Variants in FHOD3 observed in about 807,000 individuals in gnomAD.
FHOD3 encodes FH1/FH2 domain-containing protein 3.
In FHOD3, 90 loss-of-function variants were observed where a neutral mutation model predicts 173.0. The observed-to-expected ratio is 0.52, with a 90% CI of 0.44 to 0.62. The LOEUF (loss-of-function observed/expected upper bound fraction) is 0.62. Ranked by LOEUF, FHOD3 falls within the 20% of genes least tolerant of loss-of-function variation. The pLI is 0.00. For missense variants in FHOD3, 1,945 were observed against 2,034.7 expected (o/e 0.96, Z 0.85); for synonymous variants, 828 against 823.0 (o/e 1.01, Z -0.10).
chr18:36,473,184 G>A (rs760154318), intron 3 of FHOD3, among the ~76,000 whole-genome samples: 1 of 152,206 alleles, frequency 6.6e-6, no homozygotes, highest in Non-Finnish European at 1.5e-5. Flanking sequence ...GGAGGCCGAG[G>A]CTGGCAGTCA....
chr18:36,776,021 G>A (rs1481166727), intron 28 of FHOD3, among the ~76,000 whole-genome samples: 1 of 152,158 alleles, frequency 6.6e-6, no homozygotes, highest in East Asian at 1.9e-4. Context: ...AGTCGGGAGA[G>A]GCCCAGGTGT....
intron 5 of FHOD3, among the ~76,000 whole-genome samples, chr18:36,574,734 C>G (rs943298574): frequency 6.6e-6 from 1 of 151,848 alleles, no homozygotes; most frequent in African/African-American, 2.4e-5. Context: ...GCCTGAAATT[C>G]TATAGCAGTG....
chr18:36,501,053 A>G (rs7236364), intron 3 of FHOD3, among the ~76,000 whole-genome samples: 84,188 of 151,942 alleles, frequency 0.55, 24,124 homozygotes, highest in East Asian at 0.89. Context: ...CTGTCTCTCT[A>G]GCTGCATGGT....
intron 10 of FHOD3, among the ~76,000 whole-genome samples, chr18:36,635,537 G>A (rs750853774): frequency 7.2e-5 from 11 of 152,184 alleles, no homozygotes; most frequent in Non-Finnish European, 1.2e-4. Context: ...TGAAGCAGGG[G>A]AAGAGAGAAG....
At chr18:36,674,068 C>T (rs184430235) in intron 14 of FHOD3, among the ~76,000 whole-genome samples, 4 of 152,246 alleles carry the variant, frequency 2.6e-5, no homozygotes, top group Admixed American at 1.3e-4. Flanking sequence ...CATTGATTTC[C>T]ACTGTGATTT....
intron 3 of FHOD3, among the ~76,000 whole-genome samples, chr18:36,398,255 G>T (rs1452425091): frequency 1.3e-5 from 2 of 152,148 alleles, no homozygotes; most frequent in African/African-American, 4.8e-5. Flanking sequence ...GCTATGAATT[G>T]AACTATTTGC....
At chr18:36,627,767 T>G (rs1041503500) in intron 10 of FHOD3, among the ~76,000 whole-genome samples, 3 of 152,182 alleles carry the variant, frequency 2.0e-5, no homozygotes, top group Non-Finnish European at 4.4e-5. Flanking sequence ...ATAGTGGGAA[T>G]GCAGTGGTGA....
chr18:36,713,178 AG>A (rs1476473635), intron 18 of FHOD3, among the ~76,000 whole-genome samples: 1 of 152,260 alleles, frequency 6.6e-6, no homozygotes, highest in Non-Finnish European at 1.5e-5. Flanking sequence ...CAGGAAGGAA[AG>A]GACAACAGAA....
intron 21 of FHOD3, 99 bp from the exon 22 acceptor site, chr18:36,742,638 G>A: frequency 3.7e-6 from 5 of 1,333,498 alleles, no homozygotes; most frequent in Non-Finnish European, 5.2e-6. Context: ...CTTGTGCTGG[G>A]GAGAACACCG....
At chr18:36,567,032 A>G (rs1247138847) in intron 5 of FHOD3, among the ~76,000 whole-genome samples, 2 of 152,220 alleles carry the variant, frequency 1.3e-5, no homozygotes, top group African/African-American at 4.8e-5. Context: ...AAATGCAGGT[A>G]TACAGTGAGC....
intron 3 of FHOD3, among the ~76,000 whole-genome samples, chr18:36,395,729 G>T (rs9950270): frequency 6.6e-6 from 1 of 152,030 alleles, no homozygotes; most frequent in Non-Finnish European, 1.5e-5. Flanking sequence ...AATAAAAGCA[G>T]TGTTACTCTT....
intron 27 of FHOD3, among the ~76,000 whole-genome samples, chr18:36,768,214 A>G (rs939265923): frequency 2.6e-5 from 4 of 152,250 alleles, no homozygotes; most frequent in African/African-American, 4.8e-5. Context: ...GTAGCAACGT[A>G]TATTCACTAT....
At chr18:36,775,270 G>A (rs919495765) in intron 28 of FHOD3, among the ~76,000 whole-genome samples, 1 of 152,160 alleles carries the variant, frequency 6.6e-6, no homozygotes, top group Admixed American at 6.5e-5. Context: ...AAAAAACCCC[G>A]AAATAACATC....
At chr18:36,437,383 A>G (rs1231351610) in intron 3 of FHOD3, among the ~76,000 whole-genome samples, 1 of 152,132 alleles carries the variant, frequency 6.6e-6, no homozygotes, top group Non-Finnish European at 1.5e-5. Context: ...GTGATCTTCT[A>G]TATCGATTGG....
chr18:36,763,004 G>A (rs902130452), intron 27 of FHOD3, among the ~76,000 whole-genome samples: 6 of 116,076 alleles, frequency 5.2e-5, no homozygotes, highest in Admixed American at 1.8e-4. Flanking sequence ...TATTATATAC[G>A]TTATATATGC....
intron 3 of FHOD3, among the ~76,000 whole-genome samples, chr18:36,467,944 C>T (rs1163183586): frequency 6.6e-6 from 1 of 152,188 alleles, no homozygotes; most frequent in Non-Finnish European, 1.5e-5. Flanking sequence ...TGTTAAGAAA[C>T]GAAATGCCAA....
chr18:36,720,323 C>CA (rs1471264206), intron 19 of FHOD3, among the ~76,000 whole-genome samples: 3 of 150,652 alleles, frequency 2.0e-5, no homozygotes, highest in Admixed American at 6.7e-5. Context: ...CTGCAACCTC[C>CA]ACCTCCCGGG....
At chr18:36,639,868 C>T (rs2035185143) in intron 10 of FHOD3, among the ~76,000 whole-genome samples, 1 of 151,092 alleles carries the variant, frequency 6.6e-6, no homozygotes, top group African/African-American at 2.4e-5. Flanking sequence ...TGGTGAGAAG[C>T]CTCATAGTCT....
intron 6 of FHOD3, 44 bp from the exon 7 acceptor site, chr18:36,594,743 G>A (rs1332206526): frequency 7.0e-7 from 1 of 1,427,902 alleles, no homozygotes; most frequent in Non-Finnish European, 9.8e-7. Context: ...CTGGTGCACA[G>A]GGCCTTGTTG....
Sources: gnomAD v4.1 joint callset for allele counts (sites outside exome capture counted in the v4.1 genomes callset) on GRCh38, gnomAD v4.1.1 for gene constraint, MANE v1.5 for transcripts, NCBI Gene and HGNC (gene_info 2026-07-23, HGNC 2026-07-21) for gene names.